The following SPECC1 variants were observed in gnomAD, a reference collection of about 807,000 sequenced individuals.
The protein encoded by SPECC1 is sperm antigen with calponin homology and coiled-coil domains 1.
SPECC1 carries 62 observed loss-of-function variants against 104.1 expected under a neutral mutation model. The observed-to-expected ratio is 0.60, with a 90% CI of 0.49 to 0.74. The LOEUF is 0.74. Among genes scored for constraint, SPECC1 ranks in the 30% least tolerant of loss-of-function variants. The pLI is 0.00. For missense variants in SPECC1, 1,306 were observed against 1,310.5 expected (o/e 1.00, Z 0.05); for synonymous variants, 513 against 501.6 (o/e 1.02, Z -0.30).
intron 1 of SPECC1, among the ~76,000 whole-genome samples, chr17:20,037,475 T>C (rs2045137111): frequency 1.3e-5 from 2 of 151,846 alleles, no homozygotes; most frequent in Admixed American, 1.3e-4. Context: ...TATACTGCCC[T>C]TGTCCAGTGC....
intron 3 of SPECC1, among the ~76,000 whole-genome samples, chr17:20,113,249 G>C (rs908015311): frequency 6.6e-6 from 1 of 152,008 alleles, no homozygotes. Flanking sequence ...GGGTAGGGGG[G>C]TTTACCTGGT....
At chr17:20,020,191 A>G (rs1178078796) in intron 1 of SPECC1, among the ~76,000 whole-genome samples, 1 of 152,184 alleles carries the variant, frequency 6.6e-6, no homozygotes, top group East Asian at 1.9e-4. Flanking sequence ...TCTGCAGCAG[A>G]TGGTGTAATT....
chr17:20,116,458 A>G (rs2048760073), intron 3 of SPECC1, among the ~76,000 whole-genome samples: 1 of 151,194 alleles, frequency 6.6e-6, no homozygotes, highest in South Asian at 2.1e-4. Context: ...TAAAGGAATG[A>G]AAGGGCAAAA....
chr17:20,017,405 T>A (rs1274861784), intron 1 of SPECC1: 2 of 153,616 alleles, frequency 1.3e-5, no homozygotes, highest in Non-Finnish European at 2.9e-5. Context: ...TCAGCGAGAC[T>A]ACGAACCCAC....
chr17:20,084,646 T>A (rs1043515274), intron 1 of SPECC1, among the ~76,000 whole-genome samples: 6 of 152,222 alleles, frequency 3.9e-5, no homozygotes, highest in African/African-American at 1.4e-4. Flanking sequence ...TTTGTTTTTT[T>A]ATCTTAGTTA....
intron 10 of SPECC1, among the ~76,000 whole-genome samples, chr17:20,256,965 T>C (rs965570090): frequency 6.6e-6 from 1 of 152,360 alleles, no homozygotes; most frequent in African/African-American, 2.4e-5. Context: ...TTCCTACTTC[T>C]TGTTTAGCAA....
chr17:20,069,281 G>C (rs1431468201), intron 1 of SPECC1, among the ~76,000 whole-genome samples: 2 of 152,212 alleles, frequency 1.3e-5, no homozygotes, highest in Non-Finnish European at 2.9e-5. Context: ...TAAAGGACGT[G>C]ATCTTGTTCT....
chr17:20,295,040 C>CT (rs2041301215), intron 12 of SPECC1, among the ~76,000 whole-genome samples: 1 of 134,872 alleles, frequency 7.4e-6, no homozygotes, highest in Non-Finnish European at 1.6e-5. Context: ...TATTATTATA[C>CT]TTTAAGTTCT....
At chr17:20,242,486 C>T (rs1037960131) in intron 7 of SPECC1, among the ~76,000 whole-genome samples, 2 of 152,172 alleles carry the variant, frequency 1.3e-5, no homozygotes, top group Admixed American at 6.5e-5. Flanking sequence ...GCGGTCTGGC[C>T]TGCAACTGTT....
At chr17:20,239,030 G>A (rs1183689010) in intron 7 of SPECC1, 3 of 1,034,480 alleles carry the variant, frequency 2.9e-6, no homozygotes, top group Middle Eastern at 4.4e-4. Flanking sequence ...GAAAAAAGCT[G>A]GATGTAAGTT....
intron 1 of SPECC1, among the ~76,000 whole-genome samples, chr17:20,057,178 A>C (rs1173089184): frequency 2.0e-5 from 3 of 152,180 alleles, no homozygotes; most frequent in Admixed American, 2.0e-4. Context: ...GCGGTGGCTC[A>C]TGCCTGTAAT....
chr17:20,216,555 G>A (rs965901599), intron 4 of SPECC1, among the ~76,000 whole-genome samples: 5 of 152,040 alleles, frequency 3.3e-5, no homozygotes, highest in African/African-American at 9.7e-5. Context: ...ACCCTTGATA[G>A]GATTCTAGAG....
chr17:20,124,473 G>GTT (rs1234241460), intron 3 of SPECC1, among the ~76,000 whole-genome samples: 1 of 152,254 alleles, frequency 6.6e-6, no homozygotes, highest in East Asian at 1.9e-4. Context: ...GGGGCCTGGG[G>GTT]CAGGTGGGGC....
chr17:20,159,033 C>G (rs1452243517), intron 3 of SPECC1, among the ~76,000 whole-genome samples: 1 of 151,882 alleles, frequency 6.6e-6, no homozygotes, highest in South Asian at 2.1e-4. Flanking sequence ...TCTTGGCTCA[C>G]TGCAACCTCT....
At chr17:20,117,283 A>G (rs1201993536) in intron 3 of SPECC1, among the ~76,000 whole-genome samples, 2 of 152,202 alleles carry the variant, frequency 1.3e-5, no homozygotes, top group East Asian at 3.8e-4. Flanking sequence ...ATGAAACTGC[A>G]AGACTACAAA....
chr17:20,031,651 A>G (rs2044818582), intron 1 of SPECC1, among the ~76,000 whole-genome samples: 1 of 152,206 alleles, frequency 6.6e-6, no homozygotes, highest in Non-Finnish European at 1.5e-5. Flanking sequence ...CCATTCAACA[A>G]TAACTCCACG....
intron 11 of SPECC1, among the ~76,000 whole-genome samples, chr17:20,259,910 GT>G (rs1323346252): frequency 6.6e-6 from 1 of 152,036 alleles, no homozygotes; most frequent in Non-Finnish European, 1.5e-5. Flanking sequence ...CTGTACTTAA[GT>G]AAACAAATGA....
intron 3 of SPECC1, among the ~76,000 whole-genome samples, chr17:20,202,989 C>T (rs544926443): frequency 2.0e-5 from 3 of 151,954 alleles, no homozygotes; most frequent in African/African-American, 2.4e-5. Context: ...ATGCCATCAG[C>T]CTTTATGTCA....
In SPECC1 at chr17:20,150,140, T is replaced by C. The variant is rs536690170; in HGVS notation, c.283+39578T>C. Among the ~76,000 whole-genome samples, 19 of 151,120 alleles carry C rather than the reference T, an allele frequency of 1.3e-4. 1 individual carries two copies. Among genetic ancestry groups the C allele is most frequent in the Admixed American group, 1.1e-3 (17 of 15,152 alleles). The stretch of plus-strand genomic sequence containing the variant: ...GGCGCCCGCCACCACGCCCGGCTAA[T>C]TTTTTTGTATTTTTTTTTTAGTATA... On this transcript the variant is annotated intron_variant, in intron 3 of 14. Coordinates refer to ENST00000395527, the MANE Select transcript of SPECC1 (RefSeq NM_001243439.2).
Sources: allele counts gnomAD v4.1 joint callset (sites outside exome capture counted in the v4.1 genomes callset), GRCh38; gene constraint gnomAD v4.1.1; transcripts MANE v1.5; gene names NCBI Gene and HGNC (gene_info 2026-07-23, HGNC 2026-07-21).